PIAS2: variants seen among roughly 807,000 people sequenced by gnomAD.
PIAS2 encodes the protein protein inhibitor of activated STAT 2, also known as E3 SUMO-protein ligase PIAS2.
Under a neutral mutation model 69.7 loss-of-function variants are expected in PIAS2, and 19 were observed. That is an observed-to-expected ratio of 0.27 (90% CI 0.19 to 0.40). The LOEUF is 0.40. Among genes scored for constraint, PIAS2 ranks in the 10% least tolerant of loss-of-function variants. PIAS2 has a pLI of 1.00. For synonymous variants in PIAS2, 261 were observed against 263.2 expected (o/e 0.99, Z 0.08); for missense variants, 624 against 757.0 (o/e 0.82, Z 2.06).
At chr18:46,900,716 C>A (rs1186042633) in intron 1 of PIAS2, among the ~76,000 whole-genome samples, 2 of 151,830 alleles carry the variant, frequency 1.3e-5, no homozygotes, top group African/African-American at 4.8e-5. Flanking sequence ...TGGCTCACAC[C>A]TGTAATCTCA....
chr18:46,912,977 G>A (rs1032292495), intron 1 of PIAS2, among the ~76,000 whole-genome samples: 2 of 152,118 alleles, frequency 1.3e-5, no homozygotes, highest in African/African-American at 4.8e-5. Flanking sequence ...GAGCCACTGC[G>A]CCCAGCCTAT....
chr18:46,843,699 C>A (rs940915310), intron 8 of PIAS2, among the ~76,000 whole-genome samples: 5 of 152,120 alleles, frequency 3.3e-5, no homozygotes, highest in African/African-American at 1.2e-4. Context: ...TAAACTAAGA[C>A]CATCAATTAG....
At chr18:46,818,566 G>A in intron 12 of PIAS2, 1 of 863,486 alleles carries the variant, frequency 1.2e-6, no homozygotes, top group Non-Finnish European at 1.5e-6. Flanking sequence ...AAATTATTAA[G>A]TTTATCAATA....
At chr18:46,915,389 C>T (rs191045663) in intron 1 of PIAS2, 15 of 152,244 alleles carry the variant, frequency 9.9e-5, no homozygotes, top group Non-Finnish European at 2.9e-5. Context: ...TGGGTCTGCA[C>T]AGAGCAGTTA....
intron 1 of PIAS2, among the ~76,000 whole-genome samples, chr18:46,913,558 C>T (rs9916891): frequency 0.41 from 59,939 of 147,240 alleles, 12,445 homozygotes; most frequent in Middle Eastern, 0.51. Context: ...GAAGGGAGAT[C>T]CTTAAAAAAA....
intron 2 of PIAS2, among the ~76,000 whole-genome samples, chr18:46,881,420 T>C (rs971365020): frequency 3.3e-5 from 5 of 152,252 alleles, no homozygotes; most frequent in Admixed American, 6.5e-5. Flanking sequence ...AAGTGAAAAC[T>C]GTATTTGTAA....
chr18:46,850,328 A>AG (rs989628310), intron 5 of PIAS2, among the ~76,000 whole-genome samples: 9 of 152,282 alleles, frequency 5.9e-5, no homozygotes, highest in African/African-American at 1.7e-4. Context: ...GCACTTAGTT[A>AG]GGTCTCTGAA....
chr18:46,869,736 G>C (rs1217926365), intron 2 of PIAS2, among the ~76,000 whole-genome samples: 1 of 152,120 alleles, frequency 6.6e-6, no homozygotes, highest in Non-Finnish European at 1.5e-5. Flanking sequence ...GTTTCATTTG[G>C]ACCACAGAGC....
chr18:46,881,439 A>G (rs1415195705), intron 2 of PIAS2, among the ~76,000 whole-genome samples: 1 of 152,236 alleles, frequency 6.6e-6, no homozygotes, highest in African/African-American at 2.4e-5. Flanking sequence ...AAAAAACTGA[A>G]TATTGCTATA....
intron 1 of PIAS2, among the ~76,000 whole-genome samples, chr18:46,897,877 GTT>G (rs544949333): frequency 6.9e-6 from 1 of 145,436 alleles, no homozygotes; most frequent in Non-Finnish European, 1.5e-5. Context: ...TAATTTTTGG[GTT>G]TTTTTTTTTT....
chr18:46,886,302 C>T (rs946805024), intron 2 of PIAS2, among the ~76,000 whole-genome samples: 4 of 152,048 alleles, frequency 2.6e-5, no homozygotes, highest in Non-Finnish European at 4.4e-5. Flanking sequence ...TTTGCTAGTC[C>T]TTCAACATAG....
Position 46,812,327 on chromosome 18 carries a change from A to G in PIAS2, c.*106T>C. Reference sequence around the variant, plus strand: ...CAAAAGAATCCATCTGACTTTCAATAAATACCAAATTATTAAAAAAAAAAA... The same window carrying G: ...CAAAAGAATCCATCTGACTTTCAATGAATACCAAATTATTAAAAAAAAAAA... On this transcript the variant is annotated 3_prime_UTR_variant, in exon 14 of 14. Coordinates refer to ENST00000585916, the MANE Select transcript of PIAS2 (RefSeq NM_004671.5). 1.5e-6 allele frequency: 1 copy of G among 674,310 alleles called. No homozygotes were observed. The allele number at this position is 674,310 out of a possible 1,614,324, so 41.8% of individuals were successfully genotyped here. A position where few individuals can be genotyped will look rare whatever the true frequency, so the allele number is the denominator to read the frequency against.
At position 46,820,977 on chromosome 18, in the gene PIAS2, G is replaced by C. The variant is rs2042106148; in HGVS notation, c.1604C>G (p.Pro535Arg). Residue 535 changes from proline (P) to arginine (R), a missense_variant, in exon 12 of 14, where the codon CCA (proline) becomes CGA (arginine). Pro to Arg is a moderately radical substitution (Grantham distance 103, BLOSUM62 -2). Transcript: ENST00000585916. The stretch of plus-strand genomic sequence containing the variant: ...GCTTGATATTGGCGTATGGTGGAAT[G>C]GTACTGAGTAGTCTGTTAATGAAGG... ...IPPSLTDYSV[P>R]FHHTPISSMS... 9 of 1,613,158 alleles carry C rather than the reference G, an allele frequency of 5.6e-6. No homozygotes were observed. The highest frequency in any genetic ancestry group is 6.8e-6 in the Non-Finnish European group (8 of 1,179,446).
chr18:46,833,251 C>A (rs1486776726), intron 9 of PIAS2, among the ~76,000 whole-genome samples: 1 of 152,184 alleles, frequency 6.6e-6, no homozygotes, highest in Non-Finnish European at 1.5e-5. Flanking sequence ...ATAAATGTAT[C>A]TCAAACAAGT....
At chr18:46,884,420 C>A (rs1236784225) in intron 2 of PIAS2, among the ~76,000 whole-genome samples, 1 of 151,998 alleles carries the variant, frequency 6.6e-6, no homozygotes, top group Non-Finnish European at 1.5e-5. Flanking sequence ...TCACGCCATT[C>A]TCCTGCCTCA....
At chr18:46,879,203 AAACTC>A (rs970725727) in intron 2 of PIAS2, among the ~76,000 whole-genome samples, 1 of 152,178 alleles carries the variant, frequency 6.6e-6, no homozygotes, top group Non-Finnish European at 1.5e-5. Flanking sequence ...AGGACTTCTA[AAACTC>A]AACAGCTAAA....
At chr18:46,912,831 T>C (rs957718100) in intron 1 of PIAS2, among the ~76,000 whole-genome samples, 1 of 152,154 alleles carries the variant, frequency 6.6e-6, no homozygotes, top group African/African-American at 2.4e-5. Flanking sequence ...TTTCACTATT[T>C]TGAATTTTTT....
Position 46,807,410 on chromosome 18 carries a change from T to TTTTA in PIAS2, c.*5022_*5023insTAAA, listed in dbSNP as rs2040764255. Reference sequence around the variant, plus strand: ...TTTTTTTTTTTTTTTTTTTTTTTTTTAGAGAGTCTTGCTTTGTTACCCAGG... The same window carrying TTTTA: ...TTTTTTTTTTTTTTTTTTTTTTTTTTTTTAAGAGAGTCTTGCTTTGTTACCCAGG... On this transcript the variant is annotated 3_prime_UTR_variant, in exon 14 of 14. Coordinates refer to ENST00000585916, the MANE Select transcript of PIAS2 (RefSeq NM_004671.5). The TTTTA allele has an allele frequency of 8.8e-6, 1 of 113,872 alleles. No individual in the cohort carries two copies. Among genetic ancestry groups the TTTTA allele is most frequent in the African/African-American group, 3.5e-5 (1 of 28,836 alleles). 7.1% of individuals were successfully genotyped at this position (113,872 alleles called of 1,614,324 possible). A position where few individuals can be genotyped will look rare whatever the true frequency, so the allele number is the denominator to read the frequency against.
rs1010128126 is a variant in PIAS2 at position 46,873,618 on chromosome 18, A to G, written c.500-9370T>C. On this transcript the variant is annotated intron_variant, in intron 2 of 13. Coordinates refer to ENST00000585916, the MANE Select transcript of PIAS2 (RefSeq NM_004671.5). Reference sequence around the variant, plus strand: ...GGGAATATTTATACTGATTCTAAATATGTCTTTGGGGTAGCCCATACCTTT... The same window carrying G: ...GGGAATATTTATACTGATTCTAAATGTGTCTTTGGGGTAGCCCATACCTTT... Among the ~76,000 whole-genome samples the G allele has an allele frequency of 7.9e-5, 12 of 152,352 alleles. No individual in the cohort carries two copies. In the Middle Eastern group the frequency reaches 0.01, roughly 130 times the overall value.
Sources: gnomAD v4.1 joint callset for allele counts (sites outside exome capture counted in the v4.1 genomes callset) on GRCh38, gnomAD v4.1.1 for gene constraint, MANE v1.5 for transcripts, NCBI Gene and HGNC (gene_info 2026-07-23, HGNC 2026-07-21) for gene names.